UBASH3B: variants seen among roughly 807,000 people sequenced by gnomAD.
UBASH3B encodes ubiquitin associated and SH3 domain containing B, also known as ubiquitin-associated and SH3 domain-containing protein B.
In UBASH3B, 37 loss-of-function variants were observed where a neutral mutation model predicts 83.4. The observed-to-expected ratio is 0.44, with a 90% CI of 0.34 to 0.58. The LOEUF is 0.58. UBASH3B is among the 20% of genes least tolerant of loss of function. UBASH3B has a pLI of 0.01. For synonymous variants in UBASH3B, 304 were observed against 318.3 expected (o/e 0.96, Z 0.48); for missense variants, 657 against 827.2 (o/e 0.79, Z 2.52).
chr11:122,777,583 G>A (rs972818952), intron 3 of UBASH3B, among the ~76,000 whole-genome samples: 1 of 151,782 alleles, frequency 6.6e-6, no homozygotes, highest in Non-Finnish European at 1.5e-5. Context: ...AACAACAAAG[G>A]CAGTTTATAG....
Position 122,753,920 on chromosome 11 carries a change from C to T in UBASH3B, c.162-22299C>T, listed in dbSNP as rs893649122. On this transcript the variant is annotated intron_variant, in intron 1 of 13. Coordinates refer to ENST00000284273, the MANE Select transcript of UBASH3B (RefSeq NM_032873.5). ...TATCCATGAATTCAATAAATGCATTCGACAAATCAAGTGCCTTCCCTGTGA... is the reference window on the plus strand; with the variant it reads ...TATCCATGAATTCAATAAATGCATTTGACAAATCAAGTGCCTTCCCTGTGA... 1.1e-4 allele frequency among the ~76,000 whole-genome samples: 16 copies of T among 152,140 alleles called. 1 individual carries two copies. Among genetic ancestry groups the T allele is most frequent in the African/African-American group, 2.9e-4 (12 of 41,430 alleles).
chr11:122,658,965 A>G (rs2135887673), intron 1 of UBASH3B, among the ~76,000 whole-genome samples: 1 of 152,300 alleles, frequency 6.6e-6, no homozygotes, highest in Non-Finnish European at 1.5e-5. Context: ...TGGAGGCTCT[A>G]GGGGAATCCA....
rs955051 is a variant in UBASH3B, at chr11:122,789,210, T to G, written c.882T>G (p.Gly294=). The G allele has an allele frequency of 0.15, 243,129 of 1,613,960 alleles. 20,100 individuals carry two copies. The highest frequency in any genetic ancestry group is 0.22 in the Middle Eastern group (1,363 of 6,060). Residue 294 remains glycine, a synonymous_variant, in exon 6 of 14, where the codon GGT becomes GGG. Transcript: ENST00000284273. ...SPMEQTSTSE[G]WIYGTSLTTG... is the part of the protein sequence containing the mutation. ...TGGAGCAGACCAGCACCAGCGAGGG[T>G]TGGATCTATGGCACGTCCTTAACCA...
At chr11:122,726,988 T>G (rs1860752617) in intron 1 of UBASH3B, among the ~76,000 whole-genome samples, 1 of 152,254 alleles carries the variant, frequency 6.6e-6, no homozygotes, top group Non-Finnish European at 1.5e-5. Context: ...ACTTCCCTCT[T>G]GTCCACGGGT....
intron 1 of UBASH3B, among the ~76,000 whole-genome samples, chr11:122,708,601 T>C (rs542773019): frequency 1.3e-5 from 2 of 152,284 alleles, no homozygotes; most frequent in African/African-American, 4.8e-5. Context: ...GCCTTCTTGT[T>C]TGGCTTTTGG....
intron 1 of UBASH3B, among the ~76,000 whole-genome samples, chr11:122,673,071 G>A (rs904676285): frequency 2.6e-5 from 4 of 152,220 alleles, no homozygotes; most frequent in Non-Finnish European, 4.4e-5. Context: ...TTGGGCAAGC[G>A]TTCACTGGCC....
intron 1 of UBASH3B, among the ~76,000 whole-genome samples, chr11:122,745,423 G>A (rs538083985): frequency 2.0e-5 from 3 of 152,274 alleles, no homozygotes; most frequent in Admixed American, 2.0e-4. Context: ...TGATCTCAGG[G>A]AGTGTACAGC....
chr11:122,764,214 A>G (rs1860494501), intron 1 of UBASH3B, among the ~76,000 whole-genome samples: 1 of 152,234 alleles, frequency 6.6e-6, no homozygotes, highest in African/African-American at 2.4e-5. Context: ...TGGATGGTCT[A>G]AAGTACAGTC....
intron 1 of UBASH3B, among the ~76,000 whole-genome samples, chr11:122,736,726 G>A (rs2135956950): frequency 6.6e-6 from 1 of 152,036 alleles, no homozygotes; most frequent in South Asian, 2.1e-4. Context: ...AGAAATGCAG[G>A]GTGTCATGAG....
intron 1 of UBASH3B, among the ~76,000 whole-genome samples, chr11:122,707,797 C>A (rs1201497357): frequency 6.6e-6 from 1 of 151,640 alleles, no homozygotes; most frequent in Admixed American, 6.6e-5. Flanking sequence ...CTCCTGTGTT[C>A]AAGCGATTCT....
chr11:122,676,350 G>A (rs182898019), intron 1 of UBASH3B, among the ~76,000 whole-genome samples: 44 of 152,232 alleles, frequency 2.9e-4, no homozygotes, highest in African/African-American at 1.0e-3. Flanking sequence ...GACCAGCCTG[G>A]CCAACATGGT....
intron 1 of UBASH3B, among the ~76,000 whole-genome samples, chr11:122,708,362 G>T (rs913431928): frequency 1.3e-5 from 2 of 150,392 alleles, no homozygotes; most frequent in African/African-American, 4.9e-5. Flanking sequence ...CACAATCTCG[G>T]CTCACTGCAA....
At chr11:122,796,105 A>G (rs956764185) in intron 7 of UBASH3B, 51 bp from the exon 8 acceptor site, 10 of 1,605,520 alleles carry the variant, frequency 6.2e-6, no homozygotes, top group Middle Eastern at 1.7e-4. Context: ...GCTCCAAGAC[A>G]TGTCCACTTT....
At chr11:122,730,491 C>T (rs950569926) in intron 1 of UBASH3B, among the ~76,000 whole-genome samples, 4 of 152,192 alleles carry the variant, frequency 2.6e-5, no homozygotes, top group African/African-American at 9.6e-5. Flanking sequence ...AGAGGCCTAT[C>T]CTAAGCCAAA....
chr11:122,767,551 T>C (rs1373171027), intron 1 of UBASH3B, among the ~76,000 whole-genome samples: 1 of 152,132 alleles, frequency 6.6e-6, no homozygotes, highest in Non-Finnish European at 1.5e-5. Context: ...GACCTCGTGA[T>C]CCACCCGCCT....
chr11:122,675,885 G>A (rs2135904395), intron 1 of UBASH3B, among the ~76,000 whole-genome samples: 1 of 152,310 alleles, frequency 6.6e-6, no homozygotes, highest in African/African-American at 2.4e-5. Flanking sequence ...GAGAGAGTGA[G>A]AGCTTACATT....
chr11:122,695,329 G>T lies in UBASH3B; in HGVS notation c.161+39119G>T, dbSNP rs145064094. On this transcript the variant is annotated intron_variant, in intron 1 of 13. Transcript: ENST00000284273. ...TTCTATCCACTCCTGTCATCACTCA[G>T]TTGCATGGATGCCTGGAAGGAGCTT... Among the ~76,000 whole-genome samples the T allele has an allele frequency of 8.9e-4, 135 of 152,252 alleles. 1 individual carries two copies. The highest frequency in any genetic ancestry group is 2.8e-3 in the African/African-American group (118 of 41,564).
chr11:122,803,942 GC>G lies in UBASH3B; in HGVS notation c.1596-2467del, dbSNP rs546956437. Among the ~76,000 whole-genome samples, 14 of 152,166 alleles carry G rather than the reference GC, an allele frequency of 9.2e-5. No homozygotes were observed. In the East Asian group the frequency reaches 2.7e-3, roughly 30 times the overall value. On this transcript the variant is annotated intron_variant, in intron 11 of 13. Transcript: ENST00000284273. ...GTGACCTGCTGACAAGGGTGAGGAA[GC>G]TTTGACTCAGGCCAAGCCCATCAGG...
intron 1 of UBASH3B, among the ~76,000 whole-genome samples, chr11:122,747,070 G>T (rs957867542): frequency 6.6e-6 from 1 of 152,234 alleles, no homozygotes; most frequent in Admixed American, 6.5e-5. Flanking sequence ...CAGAGGCTGC[G>T]GGGTGGGGGT....
Sources: gnomAD v4.1 joint callset for allele counts (sites outside exome capture counted in the v4.1 genomes callset) on GRCh38, gnomAD v4.1.1 for gene constraint, MANE v1.5 for transcripts, NCBI Gene and HGNC (gene_info 2026-07-23, HGNC 2026-07-21) for gene names.